The following GALNT13 variants were observed in gnomAD, a reference collection of about 807,000 sequenced individuals.
The protein encoded by GALNT13 is polypeptide N-acetylgalactosaminyltransferase 13, also known as UDP-GalNAc:polypeptide N-acetylgalactosaminyltransferase 13.
Under a neutral mutation model 64.2 loss-of-function variants are expected in GALNT13, and 28 were observed. The ratio of observed to expected loss-of-function variants is 0.44; its 90% CI spans 0.32 to 0.60. GALNT13 has a LOEUF of 0.60. Ranked by LOEUF, GALNT13 falls within the 20% of genes least tolerant of loss-of-function variation. The probability of loss-of-function intolerance (pLI) is 0.05; values close to 1 mark genes in which losing one functional copy is unlikely to be tolerated. For synonymous variants in GALNT13, 214 were observed against 224.6 expected, an observed-to-expected ratio of 0.95 and a Z score of 0.42; for missense variants, 577 against 669.8, an observed-to-expected ratio of 0.86 and a Z score of 1.53.
chr2:154,377,163 A>G (rs1698038494), intron 9 of GALNT13, among the ~76,000 whole-genome samples: 1 of 152,178 alleles, frequency 6.6e-6, no homozygotes, highest in African/African-American at 2.4e-5. Context: ...AATATATATT[A>G]GCTTGGTAAG....
At chr2:153,183,089 CA>C in the GALNT13 span, among the ~76,000 whole-genome samples, 2 of 152,194 alleles carry the variant, frequency 1.3e-5, no homozygotes, top group Admixed American at 1.3e-4. Context: ...TTTATACTCT[CA>C]CCAGCAGTGT....
chr2:154,004,792 A>T (rs1696142562), intron 3 of GALNT13, among the ~76,000 whole-genome samples: 1 of 152,190 alleles, frequency 6.6e-6, no homozygotes, highest in Admixed American at 6.5e-5. Flanking sequence ...TTTCAAATAT[A>T]TGTTATTGAT....
chr2:153,181,030 C>T, the GALNT13 span, among the ~76,000 whole-genome samples: 131 of 31,980 alleles, frequency 4.1e-3, no homozygotes, highest in Admixed American at 6.5e-3. Flanking sequence ...TTTATTGTTT[C>T]TTTTTTTTTT....
chr2:153,744,066 C>T, the GALNT13 span, among the ~76,000 whole-genome samples: 1 of 151,996 alleles, frequency 6.6e-6, no homozygotes, highest in Non-Finnish European at 1.5e-5. Flanking sequence ...TTTTTTTAAT[C>T]CATCCACCTG....
intron 8 of GALNT13, among the ~76,000 whole-genome samples, chr2:154,266,021 T>C (rs974871855): frequency 1.3e-5 from 2 of 152,168 alleles, no homozygotes; most frequent in African/African-American, 4.8e-5. Flanking sequence ...ATTGGTCATC[T>C]GAATAGAGTC....
At chr2:154,315,948 C>T (rs1417001078) in intron 9 of GALNT13, among the ~76,000 whole-genome samples, 2 of 152,028 alleles carry the variant, frequency 1.3e-5, no homozygotes, top group African/African-American at 4.8e-5. Context: ...ATTAGCTGGG[C>T]GTGGTGGCAC....
chr2:153,675,383 A>T, the GALNT13 span, among the ~76,000 whole-genome samples: 7 of 152,172 alleles, frequency 4.6e-5, no homozygotes, highest in African/African-American at 1.7e-4. Flanking sequence ...AGATGAGTTT[A>T]TGTCTTTGCA....
chr2:153,347,030 G>A, the GALNT13 span, among the ~76,000 whole-genome samples: 1 of 152,198 alleles, frequency 6.6e-6, no homozygotes, highest in African/African-American at 2.4e-5. Flanking sequence ...CTTTATCAGT[G>A]TCTTTCTCTC....
intron 8 of GALNT13, among the ~76,000 whole-genome samples, chr2:154,264,214 C>T (rs923468678): frequency 6.6e-6 from 1 of 152,158 alleles, no homozygotes; most frequent in Admixed American, 6.6e-5. Flanking sequence ...TTAGAGGTCT[C>T]ATTGCCCAGT....
chr2:153,857,444 T>TA, the GALNT13 span, among the ~76,000 whole-genome samples: 2 of 152,120 alleles, frequency 1.3e-5, no homozygotes, highest in Non-Finnish European at 2.9e-5. Flanking sequence ...CTGTATCACA[T>TA]AATCTAACCC....
chr2:153,423,016 T>C, the GALNT13 span, among the ~76,000 whole-genome samples: 417 of 152,104 alleles, frequency 2.7e-3, 19 homozygotes, highest in East Asian at 0.074. Flanking sequence ...AACAATTTTA[T>C]ATTTTGGTAA....
chr2:154,358,560 TG>T (rs1168360962), intron 9 of GALNT13, among the ~76,000 whole-genome samples: 1 of 152,110 alleles, frequency 6.6e-6, no homozygotes, highest in Non-Finnish European at 1.5e-5. Context: ...ACTTCTAAAA[TG>T]GGAGGTTTAT....
chr2:153,355,792 G>A, the GALNT13 span, among the ~76,000 whole-genome samples: 3 of 152,004 alleles, frequency 2.0e-5, no homozygotes, highest in African/African-American at 4.8e-5. Context: ...TCAAATGAGG[G>A]GACTCATCCA....
At chr2:154,345,828 T>C (rs938709532) in intron 9 of GALNT13, among the ~76,000 whole-genome samples, 6 of 152,204 alleles carry the variant, frequency 3.9e-5, no homozygotes, top group Non-Finnish European at 5.9e-5. Context: ...GACAATGGTC[T>C]CATTCACTTC....
At chr2:153,803,709 GAAAAAGA>G in the GALNT13 span, among the ~76,000 whole-genome samples, 2 of 86,378 alleles carry the variant, frequency 2.3e-5, no homozygotes, top group Non-Finnish European at 5.4e-5. Flanking sequence ...AAAAAAAAAA[GAAAAAGA>G]AAAAAGAAAG....
At chr2:153,327,959 T>C in the GALNT13 span, among the ~76,000 whole-genome samples, 1 of 152,232 alleles carries the variant, frequency 6.6e-6, no homozygotes, top group South Asian at 2.1e-4. Context: ...TTGATGTTAG[T>C]GACCTTCAGA....
chr2:153,443,301 G>T, the GALNT13 span, among the ~76,000 whole-genome samples: 1 of 152,130 alleles, frequency 6.6e-6, no homozygotes, highest in South Asian at 2.1e-4. Flanking sequence ...GCTAAAGGAG[G>T]GAGTTCCCAG....
chr2:153,593,562 AAGT>A, the GALNT13 span, among the ~76,000 whole-genome samples: 1 of 152,306 alleles, frequency 6.6e-6, no homozygotes, highest in Admixed American at 6.5e-5. Context: ...ATTCTTTGCC[AAGT>A]ACTTCCTATC....
chr2:153,150,004 A>G, the GALNT13 span, among the ~76,000 whole-genome samples: 1 of 151,868 alleles, frequency 6.6e-6, no homozygotes, highest in Admixed American at 6.6e-5. Flanking sequence ...CATCTAATTT[A>G]TGAAGGATTC....
Sources: gnomAD v4.1 joint callset for allele counts (sites outside exome capture counted in the v4.1 genomes callset) on GRCh38, gnomAD v4.1.1 for gene constraint, MANE v1.5 for transcripts, NCBI Gene and HGNC (gene_info 2026-07-23, HGNC 2026-07-21) for gene names.